Variants in ADGRG5 observed in about 807,000 individuals in gnomAD.
The protein encoded by ADGRG5 is G protein-coupled receptor 114.
ADGRG5 carries 37 observed loss-of-function variants against 53.2 expected under a neutral mutation model. That is an observed-to-expected ratio of 0.70 (90% CI 0.53 to 0.91). The LOEUF (loss-of-function observed/expected upper bound fraction) is 0.91, where lower values mean the gene tolerates loss of function less well. ADGRG5 is among the 40% of genes least tolerant of loss of function. ADGRG5 has a pLI of 0.00. For missense variants in ADGRG5, 614 were observed against 675.8 expected (o/e 0.91, Z 1.01); for synonymous variants, 277 against 290.4 (o/e 0.95, Z 0.47).
intron 1 of ADGRG5, among the ~76,000 whole-genome samples, chr16:57,548,603 ACACTCC>A: frequency 6.6e-6 from 1 of 151,958 alleles, no homozygotes; most frequent in Admixed American, 6.5e-5. Context: ...TTAAAGAAAC[ACACTCC>A]CCCTCCCTAA....
intron 9 of ADGRG5, among the ~76,000 whole-genome samples, chr16:57,569,486 CCAT>C (rs1348503069): frequency 6.6e-6 from 1 of 151,506 alleles, no homozygotes; most frequent in Non-Finnish European, 1.5e-5. Context: ...TCTATCACCA[CCAT>C]CATCACCTCC....
At chr16:57,552,989 G>A (rs540200571) in intron 1 of ADGRG5, among the ~76,000 whole-genome samples, 24 of 152,278 alleles carry the variant, frequency 1.6e-4, no homozygotes, top group African/African-American at 5.8e-4. Context: ...AGTTGGTGGA[G>A]CAGTCAAAAC....
intron 4 of ADGRG5, among the ~76,000 whole-genome samples, chr16:57,563,469 G>C (rs2033053795): frequency 6.6e-6 from 1 of 152,260 alleles, no homozygotes; most frequent in African/African-American, 2.4e-5. Context: ...CTGCAGGGCA[G>C]AATCTTCTTC....
At position 57,563,109 on chromosome 16, in the gene ADGRG5, G is replaced by A. The variant is rs1463812586; in HGVS notation, c.159G>A (p.Glu53=). 6.2e-7 allele frequency: 1 copy of A among 1,614,018 alleles called. No individual in the cohort carries two copies. The highest frequency in any genetic ancestry group is 8.5e-7 in the Non-Finnish European group (1 of 1,180,024). ...VFSSRQLHQL[E]QMLLNTSFPG... Reference sequence around the variant, plus strand: ...GCTGCAGTCAACTCCACCAGCTGGAGCAGATGCTACTGAACACCAGCTTCC... The same window carrying A: ...GCTGCAGTCAACTCCACCAGCTGGAACAGATGCTACTGAACACCAGCTTCC... The change falls in exon 4 of 12, where the codon GAG becomes GAA. Residue 53 remains glutamate, a synonymous_variant. Coordinates refer to ENST00000349457, the MANE Select transcript of ADGRG5 (RefSeq NM_001304376.3).
the ADGRG5 span, among the ~76,000 whole-genome samples, chr16:57,533,327 C>T: frequency 6.6e-6 from 1 of 151,984 alleles, no homozygotes; most frequent in Non-Finnish European, 1.5e-5. Flanking sequence ...TGGAGAAGCC[C>T]ACCCCGCCCC....
At chr16:57,544,886 C>T (rs543075886) in intron 1 of ADGRG5, among the ~76,000 whole-genome samples, 263 of 152,298 alleles carry the variant, frequency 1.7e-3, no homozygotes, top group Non-Finnish European at 3.0e-3. Context: ...ATCCTCTCAT[C>T]TCAGCCTCCT....
rs759890425 is a variant in ADGRG5 at position 57,567,937 on chromosome 16, C to A, written c.903C>A (p.Ser301Arg). Residue 301 changes from serine (S) to arginine (R), a missense_variant, in exon 9 of 12, where the codon AGC becomes AGA. Transcript: ENST00000349457. ...TCCTGAACATCGCCTTCCTGCTGAG[C>A]CCCGCATTCGCAATGTCTCCTGTGC... ...VLLLNIAFLL[S>R]PAFAMSPVPG... is the part of the protein sequence containing the mutation. 2 of 1,613,892 alleles carry A rather than the reference C, an allele frequency of 1.2e-6. No individual in the cohort carries two copies. Among genetic ancestry groups the A allele is most frequent in the Non-Finnish European group, 1.7e-6 (2 of 1,179,948 alleles).
In ADGRG5 at chr16:57,567,923, G is replaced by T; in HGVS notation, c.889G>T (p.Ala297Ser). The T allele has an allele frequency of 6.2e-7, 1 of 1,613,610 alleles. No individual in the cohort carries two copies. The highest frequency in any genetic ancestry group is 8.5e-7 in the Non-Finnish European group (1 of 1,179,902). Residue 297 changes from alanine (A) to serine (S), a missense_variant, in exon 9 of 12, where the codon GCC becomes TCC. Ala to Ser is a moderately conservative substitution (Grantham distance 99). Coordinates refer to ENST00000349457, the MANE Select transcript of ADGRG5 (RefSeq NM_001304376.3). ...TGCCTCCGTGCTGCTCCTGAACATCGCCTTCCTGCTGAGCCCCGCATTCGC... is the reference window on the plus strand; with the variant it reads ...TGCCTCCGTGCTGCTCCTGAACATCTCCTTCCTGCTGAGCCCCGCATTCGC... ...LHASVLLLNI[A>S]FLLSPAFAMS... is the part of the protein sequence containing the mutation.
chr16:57,552,762 A>G (rs533247929), intron 1 of ADGRG5, among the ~76,000 whole-genome samples: 1 of 152,338 alleles, frequency 6.6e-6, no homozygotes, highest in East Asian at 1.9e-4. Context: ...TGTTCGGTGC[A>G]GGATGCCTCG....
chr16:57,553,586 T>C (rs1258609928), intron 1 of ADGRG5, among the ~76,000 whole-genome samples: 2 of 152,238 alleles, frequency 1.3e-5, no homozygotes, highest in Non-Finnish European at 2.9e-5. Flanking sequence ...ATTGTAGCTT[T>C]ATAGTGAGCC....
chr16:57,541,541 C>G (rs888645993), upstream of ADGRG5, among the ~76,000 whole-genome samples: 4 of 152,214 alleles, frequency 2.6e-5, no homozygotes, highest in Non-Finnish European at 5.9e-5. Context: ...GCAGCTCCCT[C>G]CTGCTTCAGC....
chr16:57,540,644 G>A (rs2032475664), upstream of ADGRG5, among the ~76,000 whole-genome samples: 1 of 152,188 alleles, frequency 6.6e-6, no homozygotes, highest in South Asian at 2.1e-4. Flanking sequence ...AGGAGCTGGA[G>A]GGCTTCCCAG....
the ADGRG5 span, among the ~76,000 whole-genome samples, chr16:57,529,923 T>C: frequency 6.6e-6 from 1 of 152,144 alleles, no homozygotes; most frequent in African/African-American, 2.4e-5. The surrounding 1 kb of genome is among the most constrained non-coding windows in gnomAD (Gnocchi z 4.1). Flanking sequence ...ACAATGATAT[T>C]TGTGGAGGGC....
the ADGRG5 span, among the ~76,000 whole-genome samples, chr16:57,531,654 C>T: frequency 6.4e-4 from 98 of 152,256 alleles, no homozygotes; most frequent in African/African-American, 2.3e-3. Context: ...TAGGACTCAA[C>T]TCCAAATACT....
the ADGRG5 span, among the ~76,000 whole-genome samples, chr16:57,531,019 C>A: frequency 2.6e-5 from 4 of 151,902 alleles, no homozygotes; most frequent in Admixed American, 6.5e-5. Flanking sequence ...CCCAGGTGAA[C>A]CCCCTGGGCT....
chr16:57,564,761 T>G (rs2033088218), intron 5 of ADGRG5, among the ~76,000 whole-genome samples: 1 of 151,720 alleles, frequency 6.6e-6, no homozygotes, highest in Non-Finnish European at 1.5e-5. Flanking sequence ...TGAGTGAGGA[T>G]AGTGGTGAGG....
intron 8 of ADGRG5, 121 bp from the exon 9 acceptor site, chr16:57,567,735 C>A: frequency 7.1e-7 from 1 of 1,412,244 alleles, no homozygotes; most frequent in Non-Finnish European, 9.6e-7. Flanking sequence ...GGTGCGACTG[C>A]TGTGGGATCC....
chr16:57,554,787 T>C (rs1310815220), intron 1 of ADGRG5, among the ~76,000 whole-genome samples: 3 of 152,210 alleles, frequency 2.0e-5, no homozygotes, highest in Non-Finnish European at 4.4e-5. Context: ...CCTTCATCTT[T>C]CCTAATGTAA....
chr16:57,567,524 TC>T lies in ADGRG5; in HGVS notation c.757del (p.Leu253SerfsTer12). 6.2e-7 allele frequency: 1 copy of T among 1,611,690 alleles called. No homozygotes were observed. On this transcript the variant is annotated frameshift_variant, in exon 8 of 12. Transcript: ENST00000349457. LOFTEE classifies it high-confidence loss of function. ...AELLAPLTYI[S>X]LVGCSISIVA... ...GTTGCTGGCACCTCTTACGTACATC[TC>T]CCTCGTGGGCTGCAGCATCTCCATC...
Sources: gnomAD v4.1 joint callset for allele counts (sites outside exome capture counted in the v4.1 genomes callset) on GRCh38, gnomAD v4.1.1 for gene constraint, Gnocchi (gnomAD v3.1) non-coding constraint, MANE v1.5 for transcripts, NCBI Gene and HGNC (gene_info 2026-07-23, HGNC 2026-07-21) for gene names.